The following SAMSN1 variants were observed in gnomAD, a reference collection of about 807,000 sequenced individuals.
The protein encoded by SAMSN1 is SAM domain-containing protein SAMSN-1.
Under a neutral mutation model 42.0 loss-of-function variants are expected in SAMSN1, and 31 were observed. The ratio of observed to expected loss-of-function variants is 0.74; its 90% CI spans 0.55 to 1.00. The LOEUF (loss-of-function observed/expected upper bound fraction) is 1.00, where lower values mean the gene tolerates loss of function less well. Ranked by LOEUF, SAMSN1 falls within the 50% of genes least tolerant of loss-of-function variation. The pLI is 0.00. For synonymous variants in SAMSN1, 178 were observed against 151.9 expected, an observed-to-expected ratio of 1.17 and a Z score of -1.26; for missense variants, 464 against 439.4, an observed-to-expected ratio of 1.06 and a Z score of -0.50.
intron 6 of SAMSN1, chr21:14,594,647 T>A (rs1451664193): frequency 6.6e-6 from 1 of 152,180 alleles, no homozygotes; most frequent in African/African-American, 2.4e-5. Flanking sequence ...CAGCTTCTAC[T>A]CCTTTTGAAA....
At chr21:14,524,705 G>T (rs569917784) in intron 1 of SAMSN1, among the ~76,000 whole-genome samples, 1 of 152,244 alleles carries the variant, frequency 6.6e-6, no homozygotes, top group East Asian at 1.9e-4. Context: ...AAAGCCTAAT[G>T]TTCATCAAGA....
At chr21:14,637,797 T>C (rs1983502726) in intron 2 of SAMSN1, among the ~76,000 whole-genome samples, 2 of 152,196 alleles carry the variant, frequency 1.3e-5, no homozygotes, top group Non-Finnish European at 2.9e-5. Context: ...TCATTTTAAA[T>C]GTTACCATAA....
At chr21:14,566,548 T>G (rs1214516590) in intron 2 of SAMSN1, among the ~76,000 whole-genome samples, 1 of 152,026 alleles carries the variant, frequency 6.6e-6, no homozygotes, top group Admixed American at 6.6e-5. Flanking sequence ...ATATAAAATT[T>G]TTTTTTTGAG....
intron 5 of SAMSN1, among the ~76,000 whole-genome samples, chr21:14,604,059 C>A (rs1459180175): frequency 6.6e-6 from 1 of 152,110 alleles, no homozygotes; most frequent in Non-Finnish European, 1.5e-5. Context: ...AAATGGGGGA[C>A]CTTTAAGGGC....
chr21:14,582,310 C>T lies in SAMSN1; in HGVS notation c.87G>A (p.Trp29Ter), dbSNP rs200030823. 5 of 1,550,640 alleles carry T rather than the reference C, an allele frequency of 3.2e-6. No individual in the cohort carries two copies. The highest frequency in any genetic ancestry group is 2.4e-5 in the South Asian group (2 of 84,056). ...GCCACATGTAAGCTTCACCTTCATA[C>T]CAAGCTAATTTATCTTCCAAGTTGC... The change falls in exon 2 of 9, where the codon TGG becomes TGA. Residue 29 changes from tryptophan to a stop codon, truncating the protein, a stop_gained. Coordinates refer to the SAMSN1 transcript ENST00000285670. LOFTEE classifies it high-confidence loss of function.
chr21:14,506,272 G>T (rs965372937), intron 5 of SAMSN1, among the ~76,000 whole-genome samples: 1 of 152,038 alleles, frequency 6.6e-6, no homozygotes, highest in African/African-American at 2.4e-5. Context: ...AAAGATAAAT[G>T]AAACAAAAAG....
intron 2 of SAMSN1, among the ~76,000 whole-genome samples, chr21:14,571,088 C>T (rs574777775): frequency 6.6e-5 from 10 of 152,240 alleles, no homozygotes; most frequent in East Asian, 5.8e-4. Context: ...TCTGACTCCT[C>T]GCCTATTATT....
intron 2 of SAMSN1, among the ~76,000 whole-genome samples, chr21:14,625,734 C>T (rs1983149313): frequency 6.6e-6 from 1 of 152,190 alleles, no homozygotes; most frequent in African/African-American, 2.4e-5. Flanking sequence ...ATGCCATCCC[C>T]ATCAAGCTAC....
chr21:14,641,567 G>A (rs1983598682), intron 2 of SAMSN1, among the ~76,000 whole-genome samples: 1 of 152,032 alleles, frequency 6.6e-6, no homozygotes, highest in African/African-American at 2.4e-5. Flanking sequence ...AAATTGTTGT[G>A]AGAATAAACA....
At chr21:14,622,907 C>T (rs1264580543) in intron 2 of SAMSN1, among the ~76,000 whole-genome samples, 2 of 152,228 alleles carry the variant, frequency 1.3e-5, no homozygotes, top group African/African-American at 4.8e-5. Context: ...GCCCATCTGA[C>T]TAACAGCGGA....
intron 1 of SAMSN1, among the ~76,000 whole-genome samples, chr21:14,535,673 T>G (rs1979561660): frequency 6.6e-6 from 1 of 152,182 alleles, no homozygotes; most frequent in South Asian, 2.1e-4. Flanking sequence ...CTGGTGTCCT[T>G]ATAAGATGAT....
At chr21:14,640,655 CT>C (rs35841913) in intron 2 of SAMSN1, among the ~76,000 whole-genome samples, 100,233 of 151,738 alleles carry the variant, frequency 0.66, 33,759 homozygotes, top group Middle Eastern at 0.79. Flanking sequence ...CTTAAAATAC[CT>C]TGATTTAATT....
rs1987000649 is a variant in SAMSN1, at chr21:14,498,479, C to T, written c.882G>A (p.Arg294=). ...LNIENPDDRR[R]LLSAAENFLE... Reference sequence around the variant, plus strand: ...GGAAGTTTTCAGCAGCTGATAGTAACCTTCTTCTGTCATCTGGGTTTTCAA... The same window carrying T: ...GGAAGTTTTCAGCAGCTGATAGTAATCTTCTTCTGTCATCTGGGTTTTCAA... The change falls in exon 7 of 8, where the codon AGG becomes AGA. Residue 294 remains arginine (R), a synonymous_variant. Transcript: ENST00000400566. 1.2e-6 allele frequency: 2 copies of T among 1,610,882 alleles called. No individual in the cohort carries two copies. Among genetic ancestry groups the T allele is most frequent in the Admixed American group, 3.4e-5 (2 of 59,196 alleles).
chr21:14,535,665 G>A (rs1979561385), intron 1 of SAMSN1, among the ~76,000 whole-genome samples: 2 of 152,256 alleles, frequency 1.3e-5, no homozygotes, highest in Admixed American at 6.5e-5. Flanking sequence ...CGTTCCTACT[G>A]GTGTCCTTAT....
In SAMSN1 at chr21:14,577,251, TA is replaced by T. The variant is rs1568816013; in HGVS notation, c.261+4884del. ...ATATATATGTGTGTATATATATATA[TA>T]TATATATATATATATATATATATAT... On this transcript the variant is annotated intron_variant, in intron 2 of 8. Transcript: ENST00000285670. Among the ~76,000 whole-genome samples the T allele has an allele frequency of 3.0e-4, 11 of 36,084 alleles. 1 individual carries two copies. The highest frequency in any genetic ancestry group is 2.2e-3 in the African/African-American group (11 of 4,990). The allele number at this position is 36,084 out of a possible 152,430, so 23.7% of individuals were successfully genotyped here.
intron 1 of SAMSN1, among the ~76,000 whole-genome samples, chr21:14,541,891 G>A (rs887077590): frequency 6.6e-6 from 1 of 151,886 alleles, no homozygotes; most frequent in Non-Finnish European, 1.5e-5. Flanking sequence ...GACTCGGGAG[G>A]CTGAGGCAGG....
chr21:14,546,911 A>G (rs1270092758), upstream of SAMSN1, among the ~76,000 whole-genome samples: 2 of 151,998 alleles, frequency 1.3e-5, no homozygotes, highest in African/African-American at 4.8e-5. Flanking sequence ...GGGTTTCACC[A>G]TGTTAGCCAA....
chr21:14,646,300 C>A (rs914509211), intron 1 of SAMSN1, among the ~76,000 whole-genome samples: 15 of 152,106 alleles, frequency 9.9e-5, no homozygotes, highest in Non-Finnish European at 2.1e-4. Flanking sequence ...TACAATTGAG[C>A]GCCTATATGT....
intron 1 of SAMSN1, among the ~76,000 whole-genome samples, chr21:14,537,414 C>A (rs1006066555): frequency 6.6e-6 from 1 of 152,030 alleles, no homozygotes; most frequent in Non-Finnish European, 1.5e-5. Context: ...ATCTAGCATA[C>A]TGTATATATT....
Sources: gnomAD v4.1 joint callset for allele counts (sites outside exome capture counted in the v4.1 genomes callset) on GRCh38, gnomAD v4.1.1 for gene constraint, MANE v1.5 for transcripts, NCBI Gene and HGNC (gene_info 2026-07-23, HGNC 2026-07-21) for gene names.